The following SS18L1 variants were observed in gnomAD, a reference collection of about 807,000 sequenced individuals.
SS18L1 encodes the protein SS18L1 subunit of BAF chromatin remodeling complex.
In SS18L1, 32 loss-of-function variants were observed where a neutral mutation model predicts 70.3. The observed-to-expected ratio is 0.46, with a 90% CI of 0.34 to 0.61. The LOEUF (loss-of-function observed/expected upper bound fraction) is 0.61, where lower values mean the gene tolerates loss of function less well. Ranked by LOEUF, SS18L1 falls within the 20% of genes least tolerant of loss-of-function variation. The pLI is 0.01. For missense variants in SS18L1, 430 were observed against 542.1 expected (o/e 0.79, Z 2.05); for synonymous variants, 237 against 229.7 (o/e 1.03, Z -0.29).
chr20:62,159,726 T>A lies in SS18L1; in HGVS notation c.147-151T>A. On this transcript the variant is annotated intron_variant, in intron 2 of 10. Transcript: ENST00000331758. This position sits in a 1 kb window ranked among gnomAD's most constrained non-coding sequence, Gnocchi z 4.4. ...AGACCCCAGCACCCTGCCACCTGCC[T>A]GTGTCCAGCTGGGTGTCATCTGGGG... 2.8e-6 allele frequency: 2 copies of A among 707,360 alleles called. No individual in the cohort carries two copies. The highest frequency in any genetic ancestry group is 4.6e-6 in the Non-Finnish European group (2 of 435,138). The allele number at this position is 707,360 out of a possible 1,614,324, so 43.8% of individuals were successfully genotyped here. A position where few individuals can be genotyped will look rare whatever the true frequency, so the allele number is the denominator to read the frequency against.
At chr20:62,148,264 C>T (rs549087126) in intron 1 of SS18L1, among the ~76,000 whole-genome samples, 3 of 151,702 alleles carry the variant, frequency 2.0e-5, no homozygotes, top group South Asian at 2.1e-4. Flanking sequence ...GGAGGCTCGG[C>T]CTCCTTGCTG....
intron 10 of SS18L1, among the ~76,000 whole-genome samples, chr20:62,177,469 G>A (rs988043235): frequency 2.0e-5 from 3 of 152,224 alleles, no homozygotes; most frequent in Admixed American, 6.5e-5. Context: ...GAATGAGAAT[G>A]TGACGTGTTC....
At position 62,161,119 on chromosome 20, in the gene SS18L1, C is replaced by A. The variant is rs1454912215; in HGVS notation, c.232-317C>A. 1.3e-5 allele frequency among the ~76,000 whole-genome samples: 2 copies of A among 151,602 alleles called. No individual in the cohort carries two copies. The highest frequency in any genetic ancestry group is 2.4e-5 in the African/African-American group (1 of 41,246). On this transcript the variant is annotated intron_variant, in intron 3 of 10. Coordinates refer to ENST00000331758, the MANE Select transcript of SS18L1 (RefSeq NM_198935.3). This position sits in a 1 kb window ranked among gnomAD's most constrained non-coding sequence, Gnocchi z 4.4. ...GCGCCCGAGGGGGACGGGGTGCGTT[C>A]AGCCTGGTGGGCCGGGAAAGGGGTT... is the stretch of plus-strand genomic sequence containing the variant.
chr20:62,171,756 C>T (rs1256308964), intron 8 of SS18L1, among the ~76,000 whole-genome samples: 1 of 152,238 alleles, frequency 6.6e-6, no homozygotes, highest in African/African-American at 2.4e-5. Context: ...TGGTGGCTTA[C>T]GCCTGTAATC....
chr20:62,154,752 C>T (rs1211069294), intron 1 of SS18L1, among the ~76,000 whole-genome samples: 1 of 152,164 alleles, frequency 6.6e-6, no homozygotes, highest in Non-Finnish European at 1.5e-5. Flanking sequence ...GGGGCCCTTC[C>T]AATGGGGAAA....
At chr20:62,163,405 G>T in intron 5 of SS18L1, 53 bp from the exon 6 acceptor site, 1 of 1,607,484 alleles carries the variant, frequency 6.2e-7, no homozygotes. Context: ...GGGTGTGGGA[G>T]GGAGGGCGGG....
chr20:62,145,227 C>T (rs925378735), intron 1 of SS18L1, among the ~76,000 whole-genome samples: 6 of 152,200 alleles, frequency 3.9e-5, no homozygotes, highest in Admixed American at 6.5e-5. Context: ...TCATCCAATT[C>T]TTCATAGAAG....
intron 8 of SS18L1, among the ~76,000 whole-genome samples, chr20:62,166,223 G>A (rs1356565975): frequency 1.3e-5 from 2 of 152,232 alleles, no homozygotes; most frequent in Non-Finnish European, 2.9e-5. Context: ...GCGGGATTGC[G>A]CAACCTCGTC....
In SS18L1 at chr20:62,161,964, T is replaced by TA. The variant is rs1338570405; in HGVS notation, c.376+386dup. On this transcript the variant is annotated intron_variant, in intron 4 of 10. Coordinates refer to ENST00000331758, the MANE Select transcript of SS18L1 (RefSeq NM_198935.3). This position sits in a 1 kb window ranked among gnomAD's most constrained non-coding sequence, Gnocchi z 4.4. The stretch of plus-strand genomic sequence containing the variant: ...GGCCGGGTGTGGTGGCTCAGATCTC[T>TA]AATCCCAACCCTTTGTGAGGCCTAA... Among the ~76,000 whole-genome samples, 1 of 152,232 alleles carries TA rather than the reference T, an allele frequency of 6.6e-6. No homozygotes were observed. Among genetic ancestry groups the TA allele is most frequent in the Non-Finnish European group, 1.5e-5 (1 of 68,040 alleles).
chr20:62,161,598 G>A lies in SS18L1; in HGVS notation c.376+18G>A. The A allele has an allele frequency of 6.3e-7, 1 of 1,595,812 alleles. No individual in the cohort carries two copies. The highest frequency in any genetic ancestry group is 8.6e-7 in the Non-Finnish European group (1 of 1,166,442). ...TGGCAACGGTGAGTGCGGCGGGGGAGGAGGACGTTCCTGGCTACGAGGCCA... is the reference window on the plus strand; with the variant it reads ...TGGCAACGGTGAGTGCGGCGGGGGAAGAGGACGTTCCTGGCTACGAGGCCA... On this transcript the variant is annotated intron_variant, in intron 4 of 10. Coordinates refer to ENST00000331758, the MANE Select transcript of SS18L1 (RefSeq NM_198935.3). The surrounding 1 kb of genome is among the most constrained non-coding windows in gnomAD (Gnocchi z 4.4).
At chr20:62,175,043 T>G (rs1405964028) in intron 10 of SS18L1, 1 of 745,666 alleles carries the variant, frequency 1.3e-6, no homozygotes, top group East Asian at 1.3e-4. Context: ...CAGACTGTGC[T>G]GAGGACAGAG....
chr20:62,152,108 C>T (rs1406538857), intron 1 of SS18L1, among the ~76,000 whole-genome samples: 1 of 152,156 alleles, frequency 6.6e-6, no homozygotes, highest in African/African-American at 2.4e-5. Context: ...CCACCTTACC[C>T]ATGTGCTCCT....
chr20:62,180,385 A>G lies in SS18L1; in HGVS notation c.*1177A>G, dbSNP rs1367610415. Reference sequence around the variant, plus strand: ...TTGCAAAAGTATGGTCAAAGGAAAAAAATCCCACATTTCAATTAACAAGTA... The same window carrying G: ...TTGCAAAAGTATGGTCAAAGGAAAAGAATCCCACATTTCAATTAACAAGTA... On this transcript the variant is annotated 3_prime_UTR_variant, in exon 11 of 11. Transcript: ENST00000331758. 2 of 186,124 alleles carry G rather than the reference A, an allele frequency of 1.1e-5. No homozygotes were observed. The highest frequency in any genetic ancestry group is 2.3e-5 in the Non-Finnish European group (2 of 88,108). 11.5% of individuals were successfully genotyped at this position (186,124 alleles called of 1,614,324 possible). A position where few individuals can be genotyped will look rare whatever the true frequency, so the allele number is the denominator to read the frequency against.
intron 1 of SS18L1, among the ~76,000 whole-genome samples, chr20:62,156,372 A>G (rs1485683808): frequency 6.6e-6 from 1 of 152,056 alleles, no homozygotes; most frequent in Non-Finnish European, 1.5e-5. Flanking sequence ...TCACCTGCCC[A>G]CTGGTAAGCC....
chr20:62,175,527 G>A (rs944029603), intron 10 of SS18L1: 5 of 830,592 alleles, frequency 6.0e-6, no homozygotes, highest in Non-Finnish European at 7.3e-6. Flanking sequence ...TCGGTGGCTG[G>A]AGCACAGGGC....
intron 8 of SS18L1, among the ~76,000 whole-genome samples, chr20:62,172,179 T>C (rs1373099207): frequency 1.4e-5 from 2 of 146,634 alleles, no homozygotes; most frequent in South Asian, 2.2e-4. Context: ...AAAAAAAAAA[T>C]TATCTGGGCA....
At chr20:62,154,551 CAG>C (rs2057188899) in intron 1 of SS18L1, 12 of 1,014,190 alleles carry the variant, frequency 1.2e-5, no homozygotes, top group Admixed American at 1.2e-4. Flanking sequence ...CATCACACCT[CAG>C]GGGGTGTCCC....
chr20:62,163,364 C>T (rs1030326260), intron 5 of SS18L1, 94 bp from the exon 6 acceptor site: 16 of 1,553,984 alleles, frequency 1.0e-5, no homozygotes, highest in African/African-American at 2.7e-5. Context: ...AGGAAAATAA[C>T]GAGGAACCCG....
chr20:62,156,194 C>T (rs1007103848), intron 1 of SS18L1, among the ~76,000 whole-genome samples: 7 of 152,302 alleles, frequency 4.6e-5, no homozygotes, highest in Admixed American at 2.6e-4. Context: ...CTGAAATGCC[C>T]GCCGTGTCTA....
Sources: gnomAD v4.1 joint callset for allele counts (sites outside exome capture counted in the v4.1 genomes callset) on GRCh38, gnomAD v4.1.1 for gene constraint, Gnocchi (gnomAD v3.1) non-coding constraint, MANE v1.5 for transcripts, NCBI Gene and HGNC (gene_info 2026-07-23, HGNC 2026-07-21) for gene names.